The following ROBO2 variants were observed in gnomAD, a reference collection of about 807,000 sequenced individuals.
ROBO2 encodes roundabout guidance receptor 2.
ROBO2 carries 53 observed loss-of-function variants against 160.8 expected under a neutral mutation model. That is an observed-to-expected ratio of 0.33 (90% CI 0.26 to 0.41). ROBO2 has a LOEUF of 0.41. Ranked by LOEUF, ROBO2 falls within the 10% of genes least tolerant of loss-of-function variation. ROBO2 has a pLI of 1.00. For synonymous variants in ROBO2, 664 were observed against 611.7 expected (o/e 1.09, Z -1.26); for missense variants, 1,577 against 1,722.4 (o/e 0.92, Z 1.49).
At chr3:77,075,106 A>G (rs2067827001) in intron 1 of ROBO2, among the ~76,000 whole-genome samples, 1 of 152,220 alleles carries the variant, frequency 6.6e-6, no homozygotes, top group South Asian at 2.1e-4. Flanking sequence ...ATATATACAC[A>G]TGTACATAAA....
At chr3:76,774,265 T>G (rs569345365) in intron 2 of ROBO2, among the ~76,000 whole-genome samples, 9 of 151,044 alleles carry the variant, frequency 6.0e-5, no homozygotes, top group African/African-American at 2.2e-4. Context: ...TCTGAAACTC[T>G]AATTTGCAAG....
At chr3:77,525,142 G>A (rs1178441937) in intron 6 of ROBO2, among the ~76,000 whole-genome samples, 1 of 150,872 alleles carries the variant, frequency 6.6e-6, no homozygotes, top group South Asian at 2.1e-4. Context: ...TATTAGAACA[G>A]GGTCAACTGA....
chr3:77,357,443 G>A (rs556170358), intron 2 of ROBO2, among the ~76,000 whole-genome samples: 2 of 152,218 alleles, frequency 1.3e-5, no homozygotes, highest in East Asian at 3.9e-4. Flanking sequence ...CAGCAAGAAG[G>A]TCCACAACAG....
intron 6 of ROBO2, among the ~76,000 whole-genome samples, chr3:77,537,099 TGG>T (rs63352561): frequency 3.9e-5 from 5 of 127,780 alleles, no homozygotes; most frequent in African/African-American, 1.5e-4. Flanking sequence ...ACATATTTTG[TGG>T]GGGGGGGGTG....
intron 2 of ROBO2, chr3:76,434,440 C>T (rs1226162325): frequency 1.4e-5 from 21 of 1,555,060 alleles, no homozygotes; most frequent in Non-Finnish European, 8.9e-7. Flanking sequence ...CTATGGCCCC[C>T]AAGCCTGGCA....
intron 8 of ROBO2, among the ~76,000 whole-genome samples, chr3:77,551,956 G>A (rs1409046335): frequency 6.6e-6 from 1 of 151,996 alleles, no homozygotes; most frequent in African/African-American, 2.4e-5. Context: ...GGAATAAATA[G>A]AACAGACAAA....
chr3:77,462,131 G>A (rs1362085629), intron 2 of ROBO2, among the ~76,000 whole-genome samples: 1 of 151,918 alleles, frequency 6.6e-6, no homozygotes, highest in Non-Finnish European at 1.5e-5. Context: ...TGATATTTTA[G>A]GTTCTATAGA....
intron 2 of ROBO2, among the ~76,000 whole-genome samples, chr3:77,456,132 C>T (rs2081613870): frequency 6.6e-6 from 1 of 152,116 alleles, no homozygotes; most frequent in South Asian, 2.1e-4. Flanking sequence ...TATCATAGCA[C>T]ATTCTATAGA....
intron 2 of ROBO2, among the ~76,000 whole-genome samples, chr3:76,918,001 G>A (rs1284894682): frequency 6.6e-5 from 10 of 152,118 alleles, no homozygotes; most frequent in Non-Finnish European, 1.5e-4. Context: ...GCAGAGATAC[G>A]AAATGGATAC....
chr3:77,371,578 G>A (rs2071760480), intron 2 of ROBO2, among the ~76,000 whole-genome samples: 1 of 152,130 alleles, frequency 6.6e-6, no homozygotes. Flanking sequence ...AGTAACACAG[G>A]CAAATTTTGA....
chr3:76,127,290 G>A (rs1829139), intron 2 of ROBO2, among the ~76,000 whole-genome samples: 53,508 of 151,956 alleles, frequency 0.35, 11,623 homozygotes, highest in South Asian at 0.55. Context: ...TTTTCACAAA[G>A]TTGTGTTCCT....
At chr3:76,785,154 T>C (rs2062891295) in intron 2 of ROBO2, among the ~76,000 whole-genome samples, 1 of 151,224 alleles carries the variant, frequency 6.6e-6, no homozygotes, top group Non-Finnish European at 1.5e-5. Context: ...CCTTGATACA[T>C]TGTAAAACTC....
intron 2 of ROBO2, among the ~76,000 whole-genome samples, chr3:77,391,533 C>T (rs919329653): frequency 6.6e-6 from 1 of 151,936 alleles, no homozygotes; most frequent in Non-Finnish European, 1.5e-5. Context: ...GGGGAACTCT[C>T]CTTTATAAAA....
At chr3:77,021,363 C>T (rs1032039086) in intron 2 of ROBO2, among the ~76,000 whole-genome samples, 32 of 152,150 alleles carry the variant, frequency 2.1e-4, no homozygotes, top group African/African-American at 6.5e-4. Context: ...CAAGGCAAGA[C>T]ATGAAAACTA....
At chr3:77,446,252 T>TACAC (rs772798292) in intron 2 of ROBO2, among the ~76,000 whole-genome samples, 1 of 151,678 alleles carries the variant, frequency 6.6e-6, no homozygotes. Flanking sequence ...ATCAAAGCTA[T>TACAC]ACACACACAC....
intron 2 of ROBO2, among the ~76,000 whole-genome samples, chr3:76,086,830 A>C: frequency 6.6e-6 from 1 of 152,158 alleles, no homozygotes; most frequent in East Asian, 1.9e-4. Context: ...TAGACAATGT[A>C]AACAGATGAA....
intron 2 of ROBO2, among the ~76,000 whole-genome samples, chr3:77,467,344 A>G (rs2082867151): frequency 6.6e-6 from 1 of 152,164 alleles, no homozygotes; most frequent in Non-Finnish European, 1.5e-5. Context: ...TAAATGAGGA[A>G]GGAATGCAGA....
chr3:75,989,619 A>ATCTTCAT lies in ROBO2; in HGVS notation c.109+52017_109+52018insTCTTCAT, dbSNP rs1321253262. 4.7e-4 allele frequency among the ~76,000 whole-genome samples: 72 copies of ATCTTCAT among 152,372 alleles called. No individual in the cohort carries two copies. The East Asian group carries it at 0.012, about 26-fold the overall frequency. ...TGCAGGTTTTGAAAGAACATGTTAA[A>ATCTTCAT]GATAAGTATGAAGATTACCAAAAAA... On this transcript the variant is annotated intron_variant, in intron 2 of 26. Coordinates refer to the ROBO2 transcript ENST00000487694.
intron 2 of ROBO2, among the ~76,000 whole-genome samples, chr3:76,238,758 C>T (rs1180257611): frequency 6.6e-6 from 1 of 151,516 alleles, no homozygotes; most frequent in Non-Finnish European, 1.5e-5. Context: ...GGAAAACCAC[C>T]TCCATGATCT....
Sources: allele counts gnomAD v4.1 joint callset (sites outside exome capture counted in the v4.1 genomes callset), GRCh38; gene constraint gnomAD v4.1.1; transcripts MANE v1.5; gene names NCBI Gene and HGNC (gene_info 2026-07-23, HGNC 2026-07-21).